Variants in STAU2 observed in about 807,000 individuals in gnomAD.
The protein encoded by STAU2 is double-stranded RNA-binding protein Staufen homolog 2.
STAU2 carries 20 observed loss-of-function variants against 65.9 expected under a neutral mutation model. The observed-to-expected ratio is 0.30, with a 90% CI of 0.21 to 0.44. The LOEUF (loss-of-function observed/expected upper bound fraction) is 0.44, where lower values mean the gene tolerates loss of function less well. Among genes scored for constraint, STAU2 ranks in the 20% least tolerant of loss-of-function variants. The pLI, the probability that STAU2 is intolerant of heterozygous loss-of-function variation, is 1.00. For synonymous variants in STAU2, 232 were observed against 233.9 expected, an observed-to-expected ratio of 0.99 and a Z score of 0.07; for missense variants, 558 against 683.9, an observed-to-expected ratio of 0.82 and a Z score of 2.05.
chr8:73,573,429 GA>G (rs1262250942), intron 12 of STAU2, among the ~76,000 whole-genome samples: 2 of 152,214 alleles, frequency 1.3e-5, no homozygotes, highest in Non-Finnish European at 2.9e-5. Flanking sequence ...AACCAAAAAA[GA>G]GCCTGCATTG....
intron 9 of STAU2, among the ~76,000 whole-genome samples, chr8:73,613,155 G>A (rs1201814715): frequency 6.6e-6 from 1 of 152,198 alleles, no homozygotes. Context: ...TGTGATTAAA[G>A]CATGCAAAGT....
In STAU2 at chr8:73,420,593, G is replaced by C. The variant is rs1204232067; in HGVS notation, c.*779C>G. 5.5e-6 allele frequency: 1 copy of C among 180,320 alleles called. No homozygotes were observed. The highest frequency in any genetic ancestry group is 1.2e-5 in the Non-Finnish European group (1 of 83,726). 11.2% of individuals were successfully genotyped at this position (180,320 alleles called of 1,614,324 possible). Reference sequence around the variant, plus strand: ...GGCTACAACACACGGATGGGGGTGGGCGCGATTCCCACAACAGGGAGTGGA... The same window carrying C: ...GGCTACAACACACGGATGGGGGTGGCCGCGATTCCCACAACAGGGAGTGGA... On this transcript the variant is annotated 3_prime_UTR_variant, in exon 15 of 15. Coordinates refer to ENST00000524300, the MANE Select transcript of STAU2 (RefSeq NM_001164380.2).
chr8:73,640,182 C>T (rs1282149081), intron 6 of STAU2, among the ~76,000 whole-genome samples: 1 of 151,804 alleles, frequency 6.6e-6, no homozygotes, highest in African/African-American at 2.4e-5. Flanking sequence ...AACCCAAGTG[C>T]TTCCTATAAT....
chr8:73,647,342 G>A (rs931428598), intron 6 of STAU2, among the ~76,000 whole-genome samples: 1 of 152,140 alleles, frequency 6.6e-6, no homozygotes, highest in African/African-American at 2.4e-5. Context: ...TCCCTCAATA[G>A]GTGAAGGGTT....
Position 73,637,477 on chromosome 8 carries a change from TAAAAAAAAAAAAAAA to T in STAU2, c.411-20041_411-20027del, listed in dbSNP as rs60833468. 3.3e-4 allele frequency among the ~76,000 whole-genome samples: 19 copies of T among 57,086 alleles called. No homozygotes were observed. In the South Asian group the frequency reaches 4.3e-3, roughly 13 times the overall value. The allele number at this position is 57,086 out of a possible 152,430, so 37.5% of individuals were successfully genotyped here. On this transcript the variant is annotated intron_variant, in intron 6 of 14. Coordinates refer to ENST00000524300, the MANE Select transcript of STAU2 (RefSeq NM_001164380.2). ...TAAAGTCTTTATAAAGTGCTGAAAG[TAAAAAAAAAAAAAAA>T]AAAAAAAAAAAAAGAAAAGAAAAAA...
intron 13 of STAU2, among the ~76,000 whole-genome samples, chr8:73,514,535 C>T (rs1465401827): frequency 6.6e-6 from 1 of 152,206 alleles, no homozygotes; most frequent in Non-Finnish European, 1.5e-5. Flanking sequence ...TGTCAACTTC[C>T]ATTTTTCTAC....
At chr8:73,472,310 T>A (rs1820079633) in intron 13 of STAU2, among the ~76,000 whole-genome samples, 2 of 152,144 alleles carry the variant, frequency 1.3e-5, no homozygotes, top group African/African-American at 4.8e-5. Flanking sequence ...GAATTATACA[T>A]GGTAACTGAG....
intron 6 of STAU2, among the ~76,000 whole-genome samples, chr8:73,631,158 C>G (rs1327238812): frequency 6.6e-5 from 10 of 152,040 alleles, no homozygotes. Flanking sequence ...GAGTTTGAGA[C>G]CAGCCTTGCC....
intron 3 of STAU2, among the ~76,000 whole-genome samples, chr8:73,713,201 A>G (rs1821017053): frequency 6.6e-6 from 1 of 152,230 alleles, no homozygotes; most frequent in Non-Finnish European, 1.5e-5. Context: ...CATATCCAAC[A>G]AAAACATAAA....
In STAU2 at chr8:73,629,797, C is replaced by A. The variant is rs79438304; in HGVS notation, c.411-12346G>T. Among the ~76,000 whole-genome samples, 457 of 152,228 alleles carry A rather than the reference C, an allele frequency of 3.0e-3. 17 individuals carry two copies. In the East Asian group the frequency reaches 0.038, roughly 13 times the overall value. ...ACTTTTCTTTTTTGAGGCAGGGTCT[C>A]CCTCTGTCACCCAGGCTGAAGTGTA... On this transcript the variant is annotated intron_variant, in intron 6 of 14. Coordinates refer to ENST00000524300, the MANE Select transcript of STAU2 (RefSeq NM_001164380.2).
intron 13 of STAU2, among the ~76,000 whole-genome samples, chr8:73,485,557 G>T (rs1250232094): frequency 2.0e-5 from 3 of 152,002 alleles, no homozygotes; most frequent in Non-Finnish European, 2.9e-5. Context: ...GGGATTTCAA[G>T]AACCAATATA....
At chr8:73,599,072 A>G (rs1226197290) in intron 10 of STAU2, among the ~76,000 whole-genome samples, 1 of 152,204 alleles carries the variant, frequency 6.6e-6, no homozygotes, top group Non-Finnish European at 1.5e-5. Context: ...CCTAAACTCA[A>G]TTAATTGAAC....
intron 6 of STAU2, among the ~76,000 whole-genome samples, chr8:73,618,584 C>G (rs1251482961): frequency 6.6e-6 from 1 of 152,160 alleles, no homozygotes; most frequent in Non-Finnish European, 1.5e-5. Context: ...ATTTTTAACC[C>G]AAGTGAAATG....
chr8:73,729,901 T>A (rs1462897299), intron 3 of STAU2, among the ~76,000 whole-genome samples: 1 of 152,226 alleles, frequency 6.6e-6, no homozygotes, highest in Non-Finnish European at 1.5e-5. Flanking sequence ...CGTCTAGTTT[T>A]AGTTATACCT....
chr8:73,495,959 C>A (rs1484394562), intron 13 of STAU2, among the ~76,000 whole-genome samples: 1 of 151,360 alleles, frequency 6.6e-6, no homozygotes, highest in Non-Finnish European at 1.5e-5. Context: ...TTGTTTCAGA[C>A]ACAGTATTAC....
intron 6 of STAU2, among the ~76,000 whole-genome samples, chr8:73,667,692 A>T (rs1817339149): frequency 6.6e-6 from 1 of 152,206 alleles, no homozygotes; most frequent in Non-Finnish European, 1.5e-5. Context: ...TAAGTCTATT[A>T]GACTGCCTGT....
chr8:73,567,497 G>A (rs1586020168), intron 12 of STAU2, among the ~76,000 whole-genome samples: 1 of 151,336 alleles, frequency 6.6e-6, no homozygotes, highest in African/African-American at 2.4e-5. Context: ...ACAAGAAAAC[G>A]ATTAAAAAAC....
At chr8:73,666,963 A>G (rs1287690862) in intron 6 of STAU2, among the ~76,000 whole-genome samples, 4 of 152,214 alleles carry the variant, frequency 2.6e-5, no homozygotes, top group African/African-American at 7.2e-5. Context: ...ATAAAGAGTG[A>G]TAAAATGACT....
Position 73,421,238 on chromosome 8 carries a change from C to T in STAU2, c.*134G>A, listed in dbSNP as rs572846209. On this transcript the variant is annotated 3_prime_UTR_variant, in exon 15 of 15. Coordinates refer to ENST00000524300, the MANE Select transcript of STAU2 (RefSeq NM_001164380.2). ...AAACAGTACCATGTATATTATCTCT[C>T]GTGTTAGAATAGTGTTGTCTTCACA... 1.6e-3 allele frequency: 1,150 copies of T among 725,426 alleles called. 1 individual carries two copies. Among genetic ancestry groups the T allele is most frequent in the Non-Finnish European group, 2.0e-3 (869 of 439,246 alleles). 44.9% of individuals were successfully genotyped at this position (725,426 alleles called of 1,614,324 possible).
Sources: allele counts gnomAD v4.1 joint callset (sites outside exome capture counted in the v4.1 genomes callset), GRCh38; gene constraint gnomAD v4.1.1; transcripts MANE v1.5; gene names NCBI Gene and HGNC (gene_info 2026-07-23, HGNC 2026-07-21).